SLC39A5: variants seen among roughly 807,000 people sequenced by gnomAD.
SLC39A5 encodes zinc transporter ZIP5.
SLC39A5 carries 42 observed loss-of-function variants against 46.9 expected under a neutral mutation model. That is an observed-to-expected ratio of 0.90 (90% confidence interval 0.70 to 1.16). The LOEUF (loss-of-function observed/expected upper bound fraction) is 1.16. Among genes scored for constraint, SLC39A5 ranks in the 50% most tolerant of loss-of-function variants. The probability of loss-of-function intolerance (pLI) is 0.00; values close to 1 mark genes in which losing one functional copy is unlikely to be tolerated. For missense variants in SLC39A5, 677 were observed against 686.8 expected, an observed-to-expected ratio of 0.99 and a Z score of 0.16; for synonymous variants, 311 against 323.1, an observed-to-expected ratio of 0.96 and a Z score of 0.40.
Position 56,237,105 on chromosome 12 carries a change from G to A in SLC39A5, c.1289-45G>A, listed in dbSNP as rs368515048. ...GGCTGGTGGGTGGCATGGATGAGGGGCACCCCAGCTTACTCCCTCCCATCC... is the reference window on the plus strand; with the variant it reads ...GGCTGGTGGGTGGCATGGATGAGGGACACCCCAGCTTACTCCCTCCCATCC... On this transcript the variant is annotated intron_variant, in intron 11 of 12. Coordinates refer to ENST00000454355, the MANE Select transcript of SLC39A5 (RefSeq NM_173596.3). 17 of 1,611,784 alleles carry A rather than the reference G, an allele frequency of 1.1e-5. No homozygotes were observed. In the African/African-American group the frequency reaches 1.2e-4, roughly 11 times the overall value.
At chr12:56,233,366 C>T (rs942165597) in intron 5 of SLC39A5, among the ~76,000 whole-genome samples, 2 of 146,834 alleles carry the variant, frequency 1.4e-5, no homozygotes, top group African/African-American at 5.0e-5. Flanking sequence ...AGGAAAATCA[C>T]TTGAACCCAG....
chr12:56,231,634 G>A (rs1345028199), intron 4 of SLC39A5, 73 bp downstream of exon 4: 11 of 1,450,044 alleles, frequency 7.6e-6, no homozygotes, highest in East Asian at 2.4e-5. Context: ...CAGTTGCCTC[G>A]TTCTGGCTTC....
chr12:56,236,774 A>G (rs1041108663), intron 10 of SLC39A5, 28 bp downstream of exon 10: 2 of 1,580,940 alleles, frequency 1.3e-6, no homozygotes, highest in East Asian at 2.2e-5. Flanking sequence ...GGAGGGAAGC[A>G]GGTCCGAGGG....
Position 56,235,703 on chromosome 12 carries a change from G to A in SLC39A5, c.945+3G>A. On this transcript the variant is annotated splice_donor_region_variant and intron_variant, in intron 8 of 12. Transcript: ENST00000454355. ...TGCGGCACCGAGGGCTCAGGCCAGT[G>A]AGTGATACCCTTTTCTCCTCCTTCT... 6.2e-7 allele frequency: 1 copy of A among 1,613,838 alleles called. No homozygotes were observed.
chr12:56,233,641 T>C (rs1352758452), intron 5 of SLC39A5, among the ~76,000 whole-genome samples: 2 of 152,078 alleles, frequency 1.3e-5, no homozygotes, highest in African/African-American at 4.8e-5. Flanking sequence ...CAGGGTAGGA[T>C]CTGGATGGTC....
chr12:56,237,351 T>G lies in SLC39A5; in HGVS notation c.1479+11T>G. 8 of 1,576,602 alleles carry G rather than the reference T, an allele frequency of 5.1e-6. No homozygotes were observed. The highest frequency in any genetic ancestry group is 6.9e-6 in the Non-Finnish European group (8 of 1,160,148). On this transcript the variant is annotated intron_variant, in intron 12 of 12. Transcript: ENST00000454355. Reference sequence around the variant, plus strand: ...GCCCTTGTGGACATGGTGAGAGATGTCGGGTAGAGCAGAGAAATCAAGGGC... The same window carrying G: ...GCCCTTGTGGACATGGTGAGAGATGGCGGGTAGAGCAGAGAAATCAAGGGC...
At chr12:56,235,024 C>A in intron 6 of SLC39A5, 38 bp downstream of exon 6, 1 of 1,609,060 alleles carries the variant, frequency 6.2e-7, no homozygotes. Context: ...ACCCTGAATC[C>A]TGGAAGTGGG....
rs754388503 is a variant in SLC39A5 at position 56,237,572 on chromosome 12, C to T, written c.1480-16C>T. 1.9e-6 allele frequency: 3 copies of T among 1,613,746 alleles called. No homozygotes were observed. Among genetic ancestry groups the T allele is most frequent in the African/African-American group, 2.7e-5 (2 of 74,994 alleles). On this transcript the variant is annotated splice_polypyrimidine_tract_variant and intron_variant, in intron 12 of 12. Transcript: ENST00000454355. ...AGGGGCAAGGCCAGAATCCTGACATCCTCTTTTTCTTTCAGCTACCAGCCC... is the reference window on the plus strand; with the variant it reads ...AGGGGCAAGGCCAGAATCCTGACATTCTCTTTTTCTTTCAGCTACCAGCCC...
chr12:56,237,586 A>G lies in SLC39A5; in HGVS notation c.1480-2A>G. On this transcript the variant is annotated splice_acceptor_variant, in intron 12 of 12. Coordinates refer to ENST00000454355, the MANE Select transcript of SLC39A5 (RefSeq NM_173596.3). LOFTEE classifies it high-confidence loss of function. Reference sequence around the variant, plus strand: ...AATCCTGACATCCTCTTTTTCTTTCAGCTACCAGCCCTGCTTCGTCCTCCG... The same window carrying G: ...AATCCTGACATCCTCTTTTTCTTTCGGCTACCAGCCCTGCTTCGTCCTCCG... 6.2e-7 allele frequency: 1 copy of G among 1,613,646 alleles called. No individual in the cohort carries two copies. Among genetic ancestry groups the G allele is most frequent in the Non-Finnish European group, 8.5e-7 (1 of 1,179,876 alleles).
chr12:56,237,216 C>CT lies in SLC39A5; in HGVS notation c.1356dup (p.Gly453TrpfsTer87). The CT allele has an allele frequency of 3.1e-6, 5 of 1,613,892 alleles. No homozygotes were observed. The highest frequency in any genetic ancestry group is 4.2e-6 in the Non-Finnish European group (5 of 1,180,008). On this transcript the variant is annotated frameshift_variant, in exon 12 of 13. Coordinates refer to ENST00000454355, the MANE Select transcript of SLC39A5 (RefSeq NM_173596.3). LOFTEE classifies it high-confidence loss of function. ...CGGCTGCTGCTGCTGAGCCTCGTGTCTGGAGCCCTGGGATTGGGGGGTGCA... is the reference window on the plus strand; with the variant it reads ...CGGCTGCTGCTGCTGAGCCTCGTGTCTTGGAGCCCTGGGATTGGGGGGTGCA...
At chr12:56,234,672 G>T (rs987114258) in intron 5 of SLC39A5, 152 bp from the exon 6 acceptor site, 38 of 774,310 alleles carry the variant, frequency 4.9e-5, no homozygotes, top group African/African-American at 2.6e-4. Flanking sequence ...TGTTGGCCAG[G>T]TTGGTCTCAA....
Position 56,237,268 on chromosome 12 carries a change from C to T in SLC39A5, c.1407C>T (p.Gly469=). 1.2e-6 allele frequency: 2 copies of T among 1,613,634 alleles called. No individual in the cohort carries two copies. Among genetic ancestry groups the T allele is most frequent in the Non-Finnish European group, 1.7e-6 (2 of 1,179,806 alleles). ...TCCTGGGGGTGGGGCTCAGCCTGGG[C>T]CCTGTCCCCCTCACTCCCTGGGTGT... ...GAVLGVGLSL[G]PVPLTPWVFG... Residue 469 remains glycine (G), a synonymous_variant, in exon 12 of 13, where the codon GGC becomes GGT. Transcript: ENST00000454355.
chr12:56,230,325 C>G (rs1189319756), intron 2 of SLC39A5, 30 bp downstream of exon 2: 2 of 152,270 alleles, frequency 1.3e-5, no homozygotes, highest in Non-Finnish European at 2.9e-5. Context: ...AGTTTATTTC[C>G]CATGCATGCA....
chr12:56,235,079 T>C (rs552108403), intron 6 of SLC39A5, 78 bp from the exon 7 acceptor site: 26 of 1,579,740 alleles, frequency 1.6e-5, no homozygotes, highest in Middle Eastern at 1.7e-4. Flanking sequence ...CCTCTCCTTG[T>C]AGTGTTCTCT....
At chr12:56,232,938 T>C in intron 5 of SLC39A5, 66 bp downstream of exon 5, 1 of 1,495,334 alleles carries the variant, frequency 6.7e-7, no homozygotes, top group South Asian at 1.2e-5. Context: ...GTTTAAATAA[T>C]CAGTAGTTTT....
rs1172189913 is a variant in SLC39A5 at position 56,235,685 on chromosome 12, C to T, written c.930C>T (p.His310=). The change falls in exon 8 of 13, where the codon CAC becomes CAT. Residue 310 remains histidine, a synonymous_variant. Coordinates refer to ENST00000454355, the MANE Select transcript of SLC39A5 (RefSeq NM_173596.3). The part of the protein sequence containing the change: ...VLENMLGLLR[H]RGLRPRCCRR... ...AGAACATGCTGGGGCTTTTGCGGCA[C>T]CGAGGGCTCAGGCCAGTGAGTGATA... The T allele has an allele frequency of 6.2e-7, 1 of 1,614,078 alleles. No homozygotes were observed. The highest frequency in any genetic ancestry group is 1.7e-5 in the Admixed American group (1 of 60,004).
At chr12:56,234,149 T>C (rs1466598755) in intron 5 of SLC39A5, among the ~76,000 whole-genome samples, 3 of 151,688 alleles carry the variant, frequency 2.0e-5, no homozygotes, top group African/African-American at 7.3e-5. Context: ...GTTAAATATA[T>C]ATATATATAT....
chr12:56,234,611 G>A lies in SLC39A5; in HGVS notation c.472-213G>A, dbSNP rs116507031. Among the ~76,000 whole-genome samples, 329 of 151,990 alleles carry A rather than the reference G, an allele frequency of 2.2e-3. 2 individuals carry two copies. The highest frequency in any genetic ancestry group is 7.4e-3 in the African/African-American group (307 of 41,438). ...ATTACAGGCGTGAGCCACCGCACCC[G>A]GCTCATCCCCAGCTAATTTTTGTAT... On this transcript the variant is annotated intron_variant, in intron 5 of 12. Transcript: ENST00000454355.
Position 56,231,272 on chromosome 12 carries a change from C to A in SLC39A5, c.-3C>A. On this transcript the variant is annotated 5_prime_UTR_variant, in exon 4 of 13. Coordinates refer to ENST00000454355, the MANE Select transcript of SLC39A5 (RefSeq NM_173596.3). Reference sequence around the variant, plus strand: ...CTGAGCCCCTAAGCTATTCCCCTCACCAATGATGGGGTCCCCAGTGAGTCA... The same window carrying A: ...CTGAGCCCCTAAGCTATTCCCCTCAACAATGATGGGGTCCCCAGTGAGTCA... 6.3e-7 allele frequency: 1 copy of A among 1,599,028 alleles called. No homozygotes were observed. The highest frequency in any genetic ancestry group is 8.5e-7 in the Non-Finnish European group (1 of 1,171,756).
Sources: allele counts gnomAD v4.1 joint callset (sites outside exome capture counted in the v4.1 genomes callset), GRCh38; gene constraint gnomAD v4.1.1; transcripts MANE v1.5; gene names NCBI Gene and HGNC (gene_info 2026-07-23, HGNC 2026-07-21).